The following EXOC4 variants were observed in gnomAD, a reference collection of about 807,000 sequenced individuals.
EXOC4 encodes the protein exocyst complex component 4.
In EXOC4, 71 loss-of-function variants were observed where a neutral mutation model predicts 107.2. The ratio of observed to expected loss-of-function variants is 0.66; its 90% confidence interval spans 0.55 to 0.81. The LOEUF (loss-of-function observed/expected upper bound fraction) is 0.81, where lower values mean the gene tolerates loss of function less well. Among genes scored for constraint, EXOC4 ranks in the 30% least tolerant of loss-of-function variants. The pLI is 0.00. For synonymous variants in EXOC4, 456 were observed against 441.2 expected, an observed-to-expected ratio of 1.03 and a Z score of -0.42; for missense variants, 1,108 against 1,189.6, an observed-to-expected ratio of 0.93 and a Z score of 1.01.
intron 17 of EXOC4, among the ~76,000 whole-genome samples, chr7:134,019,771 A>G (rs1794988206): frequency 6.6e-6 from 1 of 152,070 alleles, no homozygotes; most frequent in Non-Finnish European, 1.5e-5. Flanking sequence ...ATATGATTTT[A>G]TTTTTCAGTT....
intron 14 of EXOC4, among the ~76,000 whole-genome samples, chr7:133,947,188 T>TTAGC (rs1174306989): frequency 6.6e-6 from 1 of 152,232 alleles, no homozygotes; most frequent in African/African-American, 2.4e-5. Context: ...CTTGAAGTTC[T>TTAGC]TAGCAGTGTG....
At chr7:133,327,207 A>ACCCACTGTCCTGCC (rs1467617617) in intron 5 of EXOC4, among the ~76,000 whole-genome samples, 2 of 152,072 alleles carry the variant, frequency 1.3e-5, no homozygotes, top group African/African-American at 4.8e-5. Flanking sequence ...TGGGCTGCGC[A>ACCCACTGTCCTGCC]CCCACTGTCC....
intron 10 of EXOC4, among the ~76,000 whole-genome samples, chr7:133,668,038 T>G (rs1654390476): frequency 6.6e-6 from 1 of 152,374 alleles, no homozygotes; most frequent in Admixed American, 6.5e-5. Flanking sequence ...TATCATGTTT[T>G]AGGCCTTAGT....
intron 9 of EXOC4, among the ~76,000 whole-genome samples, chr7:133,570,946 GA>G (rs1370102734): frequency 2.0e-5 from 3 of 152,152 alleles, no homozygotes; most frequent in Non-Finnish European, 4.4e-5. Flanking sequence ...ATTTAATTTA[GA>G]ACTGATTATC....
chr7:133,738,459 A>T (rs189743200), intron 10 of EXOC4, among the ~76,000 whole-genome samples: 1 of 152,260 alleles, frequency 6.6e-6, no homozygotes, highest in Admixed American at 6.5e-5. Flanking sequence ...TTTGGAGAAG[A>T]GCTTTATAGT....
intron 12 of EXOC4, among the ~76,000 whole-genome samples, chr7:133,908,026 G>A (rs1010253286): frequency 2.0e-5 from 3 of 152,092 alleles, no homozygotes; most frequent in Non-Finnish European, 4.4e-5. Context: ...ATCCTTTCCA[G>A]TACATATCAG....
intron 9 of EXOC4, chr7:133,551,857 T>G (rs1800595402): frequency 6.6e-6 from 1 of 152,116 alleles, no homozygotes; most frequent in Non-Finnish European, 1.5e-5. Context: ...AAAAAAAGAT[T>G]GATTAGAGGA....
intron 7 of EXOC4, among the ~76,000 whole-genome samples, chr7:133,417,585 G>A (rs1462866578): frequency 2.0e-5 from 3 of 152,142 alleles, no homozygotes; most frequent in Non-Finnish European, 4.4e-5. Flanking sequence ...CTTGTACACA[G>A]AATGGAGCCA....
intron 9 of EXOC4, among the ~76,000 whole-genome samples, chr7:133,551,372 T>G (rs1800585481): frequency 6.6e-6 from 1 of 152,174 alleles, no homozygotes; most frequent in Non-Finnish European, 1.5e-5. Context: ...GATTTTTTTT[T>G]TAATTTCTAG....
intron 15 of EXOC4, 65 bp from the exon 16 acceptor site, chr7:134,004,847 C>A: frequency 7.1e-7 from 1 of 1,403,510 alleles, no homozygotes. Context: ...TGCTCTGTCC[C>A]AAGATCATTG....
intron 13 of EXOC4, among the ~76,000 whole-genome samples, chr7:133,929,478 A>G (rs1585256010): frequency 3.8e-5 from 1 of 26,378 alleles, no homozygotes; most frequent in Non-Finnish European, 6.7e-5. Flanking sequence ...TCTATCCCAG[A>G]AAAAAAAAAT....
intron 9 of EXOC4, among the ~76,000 whole-genome samples, chr7:133,602,460 C>T (rs907388224): frequency 6.6e-6 from 1 of 152,096 alleles, no homozygotes; most frequent in Non-Finnish European, 1.5e-5. Flanking sequence ...TGTGGCAGCC[C>T]GTTGTGCTTT....
chr7:133,551,205 G>A (rs1001110051), intron 9 of EXOC4, among the ~76,000 whole-genome samples: 1 of 152,108 alleles, frequency 6.6e-6, no homozygotes, highest in African/African-American at 2.4e-5. Context: ...ATAAGAAATA[G>A]TGTGATGCTA....
At chr7:133,601,526 A>T (rs1413913859) in intron 9 of EXOC4, among the ~76,000 whole-genome samples, 2 of 152,166 alleles carry the variant, frequency 1.3e-5, no homozygotes, top group Non-Finnish European at 2.9e-5. Flanking sequence ...CATGATCTTT[A>T]TAAATAAATA....
chr7:133,787,957 ATATATT>A (rs71162028), intron 10 of EXOC4, among the ~76,000 whole-genome samples: 50 of 16,712 alleles, frequency 3.0e-3, no homozygotes, highest in Admixed American at 4.4e-3. Context: ...GCATATATTT[ATATATT>A]TATATATATA....
At chr7:133,562,341 C>G (rs1800820709) in intron 9 of EXOC4, among the ~76,000 whole-genome samples, 1 of 152,146 alleles carries the variant, frequency 6.6e-6, no homozygotes. Flanking sequence ...AGCCTGACCT[C>G]TGGATTAGGG....
chr7:134,034,412 A>G lies in EXOC4; in HGVS notation c.2687+26577A>G, dbSNP rs1795340912. Reference sequence around the variant, plus strand: ...TGATATAGTTAGGCTTTGTGTCCCCACCCAAATCTCATCTTGAATTGTAAT... The same window carrying G: ...TGATATAGTTAGGCTTTGTGTCCCCGCCCAAATCTCATCTTGAATTGTAAT... On this transcript the variant is annotated intron_variant, in intron 17 of 17. Coordinates refer to ENST00000253861, the MANE Select transcript of EXOC4 (RefSeq NM_021807.4). Among the ~76,000 whole-genome samples the G allele has an allele frequency of 2.0e-5, 3 of 152,198 alleles. No homozygotes were observed. The South Asian group carries it at 6.2e-4, about 31-fold the overall frequency.
At chr7:133,784,316 C>T (rs575117045) in intron 10 of EXOC4, among the ~76,000 whole-genome samples, 11 of 152,282 alleles carry the variant, frequency 7.2e-5, no homozygotes, top group African/African-American at 2.6e-4. Flanking sequence ...TTAATCTGAT[C>T]ACTCTAATTG....
At position 133,336,061 on chromosome 7, in the gene EXOC4, G is replaced by T. The variant is rs543678615; in HGVS notation, c.763+18671G>T. On this transcript the variant is annotated intron_variant, in intron 5 of 17. Coordinates refer to ENST00000253861, the MANE Select transcript of EXOC4 (RefSeq NM_021807.4). ...TATTTGTTTTTGTTTCCGTTGAGTGGCAGAGGCTCTTTATATATTCTGTAT... is the reference window on the plus strand; with the variant it reads ...TATTTGTTTTTGTTTCCGTTGAGTGTCAGAGGCTCTTTATATATTCTGTAT... Among the ~76,000 whole-genome samples, 11 of 152,240 alleles carry T rather than the reference G, an allele frequency of 7.2e-5. No individual in the cohort carries two copies. The South Asian group carries it at 2.1e-3, about 29-fold the overall frequency.
Sources: allele counts gnomAD v4.1 joint callset (sites outside exome capture counted in the v4.1 genomes callset), GRCh38; gene constraint gnomAD v4.1.1; transcripts MANE v1.5; gene names NCBI Gene and HGNC (gene_info 2026-07-23, HGNC 2026-07-21).